The following OGA variants were observed in gnomAD, a reference collection of about 807,000 sequenced individuals.
OGA encodes protein O-GlcNAcase.
Under a neutral mutation model 102.0 loss-of-function variants are expected in OGA, and 21 were observed. The ratio of observed to expected loss-of-function variants is 0.21; its 90% CI spans 0.15 to 0.30. The LOEUF is 0.30. OGA is among the 10% of genes least tolerant of loss of function. OGA has a pLI of 1.00. For missense variants in OGA, 765 were observed against 1,107.8 expected (o/e 0.69, Z 4.39); for synonymous variants, 408 against 378.2 (o/e 1.08, Z -0.91).
chr10:101,799,131 G>A lies in OGA; in HGVS notation c.1520C>T (p.Ala507Val). 1.2e-6 allele frequency: 2 copies of A among 1,614,228 alleles called. No homozygotes were observed. The highest frequency in any genetic ancestry group is 1.7e-6 in the Non-Finnish European group (2 of 1,180,034). ...KPMDTDKESI[A>V]ESKSPEMSMQ... ...GGACATCTCTGGGGATTTTGATTCAGCTATGCTCTCTTTATCAGTGTCCAT... is the reference window on the plus strand; with the variant it reads ...GGACATCTCTGGGGATTTTGATTCAACTATGCTCTCTTTATCAGTGTCCAT... The change falls in exon 9 of 16, where the codon GCT (alanine) becomes GTT (valine). Residue 507 changes from alanine (A) to valine (V), a missense_variant. By Grantham distance (64) the Ala-to-Val change is moderately conservative (BLOSUM62 0). Around this residue, in one of 7 missense-constraint regions of OGA, gnomAD observed 281 missense variants for 345.8 expected, o/e 0.81. Transcript: ENST00000361464.
intron 1 of OGA, among the ~76,000 whole-genome samples, 194 bp from the exon 2 acceptor site, chr10:101,813,800 T>C (rs1199808160): frequency 6.6e-6 from 1 of 152,230 alleles, no homozygotes; most frequent in Non-Finnish European, 1.5e-5. Flanking sequence ...GTGACTTTTA[T>C]TCCATTTTTG....
Position 101,798,080 on chromosome 10 carries a change from G to C in OGA, c.1884C>G (p.Leu628=). The change falls in exon 10 of 16, where the codon CTC becomes CTG. Residue 628 remains leucine, a synonymous_variant. Coordinates refer to ENST00000361464, the MANE Select transcript of OGA (RefSeq NM_012215.5). The part of the protein sequence containing the change: ...CGLVMGMFTR[L]SNCANRTILY... ...GAATTGTCCTGTTGGCACAATTGGA[G>C]AGCCGAGTGAACATTCCCATCACTA... 1 of 1,614,092 alleles carries C rather than the reference G, an allele frequency of 6.2e-7. No individual in the cohort carries two copies. Among genetic ancestry groups the C allele is most frequent in the Non-Finnish European group, 8.5e-7 (1 of 1,179,976 alleles).
At chr10:101,816,343 G>A (rs2065624804) in intron 1 of OGA, among the ~76,000 whole-genome samples, 1 of 152,196 alleles carries the variant, frequency 6.6e-6, no homozygotes, top group African/African-American at 2.4e-5. Flanking sequence ...CAAGGGCACG[G>A]GAGGGAGGAG....
At chr10:101,797,824 A>C (rs2065334862) in intron 10 of OGA, 156 bp downstream of exon 10, 2 of 681,488 alleles carry the variant, frequency 2.9e-6, no homozygotes, top group South Asian at 3.7e-5. Flanking sequence ...TTGCATCTCA[A>C]GTCTTCAATA....
intron 14 of OGA, among the ~76,000 whole-genome samples, chr10:101,790,098 T>G (rs187189228): frequency 2.9e-4 from 44 of 152,198 alleles, no homozygotes; most frequent in Non-Finnish European, 2.2e-4. Flanking sequence ...ACAGACTTAT[T>G]AAGAAGTGCT....
chr10:101,787,768 C>A, intron 14 of OGA: 1 of 406,112 alleles, frequency 2.5e-6, no homozygotes, highest in African/African-American at 2.0e-5. Context: ...CGCTCTCTCT[C>A]TCTCTCTCTC....
Position 101,818,210 on chromosome 10 carries a change from CA to C in OGA, c.-189del. ...AATGCCCGGATGAGAAGGGCGGCGG[CA>C]CCGGCGCGAGCCCTTTGTCAGCCGC... is the stretch of plus-strand genomic sequence containing the variant. On this transcript the variant is annotated 5_prime_UTR_variant, in exon 1 of 16. Coordinates refer to ENST00000361464, the MANE Select transcript of OGA (RefSeq NM_012215.5). The C allele has an allele frequency of 7.4e-7, 1 of 1,347,248 alleles. No individual in the cohort carries two copies. The highest frequency in any genetic ancestry group is 9.5e-7 in the Non-Finnish European group (1 of 1,053,314). The allele number at this position is 1,347,248 out of a possible 1,614,324, so 83.5% of individuals were successfully genotyped here.
Position 101,798,867 on chromosome 10 carries a change from T to A in OGA, c.1784A>T (p.Asn595Ile). 1 of 1,613,808 alleles carries A rather than the reference T, an allele frequency of 6.2e-7. No individual in the cohort carries two copies. The highest frequency in any genetic ancestry group is 8.5e-7 in the Non-Finnish European group (1 of 1,179,774). Reference protein sequence around the residue: ...LRANSSVVSVNCKGKDSEKIE... With the variant: ...LRANSSVVSVICKGKDSEKIE... The stretch of plus-strand genomic sequence containing the variant: ...TTTTTCAGAGTCTTTTCCTTTGCAA[T>A]TGACACTGACAACACTACTATTTGC... The change falls in exon 9 of 16, where the codon AAT becomes ATT. Residue 595 changes from asparagine (N) to isoleucine (I), a missense_variant. Physicochemically the swap from Asn to Ile is moderately radical, Grantham distance 149. Coordinates refer to ENST00000361464, the MANE Select transcript of OGA (RefSeq NM_012215.5).
chr10:101,788,734 C>CA (rs755718266), intron 14 of OGA, among the ~76,000 whole-genome samples: 1,473 of 76,328 alleles, frequency 0.019, 6 homozygotes, highest in South Asian at 0.033. Context: ...AACTCCGTCT[C>CA]AAAAAAAAAA....
At chr10:101,792,747 CAGA>C (rs2065273727) in intron 12 of OGA, 89 bp downstream of exon 12, 2 of 857,372 alleles carry the variant, frequency 2.3e-6, no homozygotes, top group African/African-American at 1.7e-5. Context: ...AGTTTTAAGA[CAGA>C]AGGATTCCTT....
chr10:101,817,967 G>T lies in OGA; in HGVS notation c.56C>A (p.Ser19Tyr). The T allele has an allele frequency of 6.2e-7, 1 of 1,604,956 alleles. No individual in the cohort carries two copies. ...TGCCCCCGCAGAGGCGGCAGGGTTG[G>T]AGCTGAGCTCGCTCTCCCGCTCCTC... is the stretch of plus-strand genomic sequence containing the variant. ...TLEERESELS[S>Y]NPAASAGASL... is the part of the protein sequence containing the mutation. Residue 19 changes from serine (S) to tyrosine (Y), a missense_variant, in exon 1 of 16, where the codon TCC becomes TAC. This residue lies in a region of OGA where 117 missense variants were observed against 85.7 expected (regional missense o/e 1.36). Transcript: ENST00000361464.
intron 7 of OGA, 66 bp downstream of exon 7, chr10:101,803,669 T>C: frequency 1.4e-6 from 2 of 1,437,264 alleles, no homozygotes; most frequent in Non-Finnish European, 1.9e-6. Flanking sequence ...GAATGCATAC[T>C]TTCCACTGGC....
chr10:101,817,434 T>C (rs1589845219), intron 1 of OGA, among the ~76,000 whole-genome samples: 2 of 152,294 alleles, frequency 1.3e-5, no homozygotes, highest in African/African-American at 4.8e-5. Flanking sequence ...GGGCCGATTT[T>C]CCACAAAGGG....
At chr10:101,809,840 G>A (rs1389395469) in intron 4 of OGA, among the ~76,000 whole-genome samples, 5 of 151,878 alleles carry the variant, frequency 3.3e-5, no homozygotes, top group East Asian at 1.9e-4. Flanking sequence ...TGAGCAGTTC[G>A]AGACCAGCCT....
At chr10:101,815,369 C>G (rs1370896388) in intron 1 of OGA, among the ~76,000 whole-genome samples, 1 of 152,044 alleles carries the variant, frequency 6.6e-6, no homozygotes, top group African/African-American at 2.4e-5. Context: ...ATCTACGCCT[C>G]CAACTCCCGG....
At chr10:101,792,593 G>A (rs185744213) in intron 12 of OGA, 13 of 396,458 alleles carry the variant, frequency 3.3e-5, no homozygotes, top group Admixed American at 1.6e-4. Context: ...TAACTATTTT[G>A]TAACTCCAAC....
intron 10 of OGA, chr10:101,797,531 G>A (rs1399206059): frequency 1.4e-5 from 3 of 215,166 alleles, no homozygotes. Flanking sequence ...CACAGGGCTG[G>A]GAGGATGGCT....
chr10:101,798,826 C>T lies in OGA; in HGVS notation c.1809+16G>A. The T allele has an allele frequency of 1.9e-6, 3 of 1,602,854 alleles. No homozygotes were observed. In the South Asian group the frequency reaches 3.4e-5, roughly 18 times the overall value. ...ACCACCCAGGCTTCAGCAGCAGGTACATTAAACATACTCACTTTTTCAGAG... is the reference window on the plus strand; with the variant it reads ...ACCACCCAGGCTTCAGCAGCAGGTATATTAAACATACTCACTTTTTCAGAG... On this transcript the variant is annotated intron_variant, in intron 9 of 15. Transcript: ENST00000361464.
intron 4 of OGA, among the ~76,000 whole-genome samples, chr10:101,808,593 TACCAG>T (rs2065506271): frequency 6.6e-6 from 1 of 152,206 alleles, no homozygotes. Context: ...TTAAATTTTT[TACCAG>T]ACATTTTAAT....
Sources: gnomAD v4.1 joint callset for allele counts (sites outside exome capture counted in the v4.1 genomes callset) on GRCh38, gnomAD v4.1.1 for gene constraint, gnomAD v4.1.1 regional missense constraint, MANE v1.5 for transcripts, NCBI Gene and HGNC (gene_info 2026-07-23, HGNC 2026-07-21) for gene names.